Variants in SUMF1 observed in about 807,000 individuals in gnomAD.
SUMF1 encodes sulfatase modifying factor 1.
A neutral mutation model predicts 47.6 loss-of-function variants in SUMF1; 48 were observed. That is an observed-to-expected ratio of 1.01 (90% CI 0.80 to 1.28). The LOEUF is 1.28. Ranked by LOEUF, SUMF1 falls within the 50% of genes most tolerant of loss-of-function variation. SUMF1 has a pLI of 0.00. For synonymous variants in SUMF1, 230 were observed against 192.1 expected (o/e 1.20, Z -1.63); for missense variants, 571 against 485.4 (o/e 1.18, Z -1.66).
rs556470939 is a variant in SUMF1 at position 4,113,835 on chromosome 3, GT to G, written c.1015-45091del. ...AGGCAGATAGGAACAATTACTGAAA[GT>G]TAATCCACAGATCCGGATGCCTCCT... On this transcript the variant is annotated intron_variant and NMD_transcript_variant, in intron 8 of 12. Coordinates refer to the SUMF1 transcript ENST00000448413. Among the ~76,000 whole-genome samples, 7 of 152,178 alleles carry G rather than the reference GT, an allele frequency of 4.6e-5. No individual in the cohort carries two copies. In the East Asian group the frequency reaches 1.2e-3, roughly 25 times the overall value.
At chr3:4,430,440 T>C (rs1702197766) in intron 3 of SUMF1, among the ~76,000 whole-genome samples, 1 of 152,134 alleles carries the variant, frequency 6.6e-6, no homozygotes, top group Admixed American at 6.6e-5. Flanking sequence ...TCTCTGAGCC[T>C]CAGTTTCCTC....
chr3:4,293,023 T>A (rs1350584481), intron 8 of SUMF1, among the ~76,000 whole-genome samples: 1 of 152,122 alleles, frequency 6.6e-6, no homozygotes, highest in Non-Finnish European at 1.5e-5. Flanking sequence ...CAAAGATGTT[T>A]GAAAATACTT....
intron 8 of SUMF1, among the ~76,000 whole-genome samples, chr3:4,151,822 G>A (rs1694343124): frequency 1.3e-5 from 2 of 151,516 alleles, no homozygotes; most frequent in East Asian, 1.9e-4. Context: ...GGTTAGACAA[G>A]CTTGATATAG....
At chr3:4,260,420 T>C (rs1281664681) in intron 8 of SUMF1, among the ~76,000 whole-genome samples, 1 of 152,190 alleles carries the variant, frequency 6.6e-6, no homozygotes. Context: ...AATTTCTACA[T>C]TTTAAAATTT....
chr3:4,293,311 C>CA (rs780090717), intron 8 of SUMF1, among the ~76,000 whole-genome samples: 6 of 152,116 alleles, frequency 3.9e-5, no homozygotes, highest in African/African-American at 1.4e-4. Context: ...AAAGAAAGCT[C>CA]AATTTCCCAA....
chr3:4,150,263 T>A (rs1342344829), intron 8 of SUMF1, among the ~76,000 whole-genome samples: 5 of 147,452 alleles, frequency 3.4e-5, no homozygotes, highest in East Asian at 1.9e-4. Flanking sequence ...TAGCTAATTT[T>A]TTAAAAAAAT....
intron 8 of SUMF1, among the ~76,000 whole-genome samples, chr3:4,133,146 TG>T (rs1187511940): frequency 2.0e-5 from 3 of 152,172 alleles, no homozygotes; most frequent in Admixed American, 1.3e-4. Context: ...GTTAAAAACA[TG>T]TTTGTGCATG....
intron 8 of SUMF1, among the ~76,000 whole-genome samples, chr3:4,128,239 A>G (rs1476189390): frequency 1.3e-5 from 2 of 152,206 alleles, no homozygotes; most frequent in East Asian, 1.9e-4. Context: ...GACCTGCAAC[A>G]AAAGTTGCAC....
chr3:4,140,511 CT>C (rs1559504589), intron 8 of SUMF1, among the ~76,000 whole-genome samples: 1 of 151,968 alleles, frequency 6.6e-6, no homozygotes, highest in Non-Finnish European at 1.5e-5. Context: ...GCCCTTTGGA[CT>C]CATCTGTTCC....
intron 8 of SUMF1, among the ~76,000 whole-genome samples, chr3:4,322,091 A>G (rs1232602154): frequency 6.6e-6 from 1 of 152,166 alleles, no homozygotes; most frequent in Admixed American, 6.6e-5. Flanking sequence ...TTATTCCTCA[A>G]GGTCTTGGAA....
intron 9 of SUMF1, among the ~76,000 whole-genome samples, chr3:4,057,148 C>T (rs1559432835): frequency 6.6e-6 from 1 of 152,066 alleles, no homozygotes; most frequent in Non-Finnish European, 1.5e-5. Flanking sequence ...AAAGAATGTG[C>T]AGGATGACAG....
At position 4,327,607 on chromosome 3, in the gene SUMF1, G is replaced by A. The variant is rs115102111; in HGVS notation, c.1014+48723C>T. Reference sequence around the variant, plus strand: ...TAACATTAAGACAGCAGAATTATAGGAATCTTATACAATTTTGGAACACAT... The same window carrying A: ...TAACATTAAGACAGCAGAATTATAGAAATCTTATACAATTTTGGAACACAT... On this transcript the variant is annotated intron_variant and NMD_transcript_variant, in intron 8 of 12. Coordinates refer to the SUMF1 transcript ENST00000448413. 5.1e-3 allele frequency among the ~76,000 whole-genome samples: 775 copies of A among 151,658 alleles called. 9 individuals carry two copies. The highest frequency in any genetic ancestry group is 0.018 in the African/African-American group (739 of 41,392).
intron 8 of SUMF1, among the ~76,000 whole-genome samples, chr3:4,173,062 T>C (rs374313393): frequency 5.1e-4 from 78 of 152,344 alleles, no homozygotes; most frequent in African/African-American, 1.8e-3. Flanking sequence ...GTTTCAGTTT[T>C]CTACATAGGG....
chr3:4,142,995 A>G (rs545246570), intron 8 of SUMF1, among the ~76,000 whole-genome samples: 1 of 152,212 alleles, frequency 6.6e-6, no homozygotes, highest in African/African-American at 2.4e-5. Flanking sequence ...CACCTCCAAG[A>G]CAAAGAATAC....
intron 9 of SUMF1, among the ~76,000 whole-genome samples, chr3:4,065,914 C>T: frequency 6.6e-6 from 1 of 152,078 alleles, no homozygotes; most frequent in East Asian, 1.9e-4. Flanking sequence ...TGTGATATGA[C>T]AGGGGAAAAA....
At chr3:4,412,510 T>C (rs1298817369) in intron 6 of SUMF1, among the ~76,000 whole-genome samples, 1 of 152,074 alleles carries the variant, frequency 6.6e-6, no homozygotes. Context: ...GAGTAATAGC[T>C]GGGAGAGGTA....
At chr3:4,447,843 G>T (rs1057509388) in intron 3 of SUMF1, among the ~76,000 whole-genome samples, 1 of 152,122 alleles carries the variant, frequency 6.6e-6, no homozygotes, top group African/African-American at 2.4e-5. Context: ...TCACAGCCTA[G>T]CAATGACCCA....
Position 4,325,608 on chromosome 3 carries a change from TACAC to T in SUMF1, c.1014+50718_1014+50721del, listed in dbSNP as rs139250144. ...GTATATATCTGTGTGTATATATGTG[TACAC>T]ACACACACACACACACACATATATG... On this transcript the variant is annotated intron_variant and NMD_transcript_variant, in intron 8 of 12. Transcript: ENST00000448413. 2.1e-3 allele frequency among the ~76,000 whole-genome samples: 318 copies of T among 149,360 alleles called. 1 individual carries two copies. Among genetic ancestry groups the T allele is most frequent in the Non-Finnish European group, 3.2e-3 (218 of 67,142 alleles).
intron 8 of SUMF1, among the ~76,000 whole-genome samples, chr3:4,199,634 A>T (rs1331732578): frequency 1.3e-5 from 2 of 152,178 alleles, no homozygotes; most frequent in African/African-American, 4.8e-5. Flanking sequence ...TAAATAACAC[A>T]TAGCATTCTG....
Sources: allele counts gnomAD v4.1 joint callset (sites outside exome capture counted in the v4.1 genomes callset), GRCh38; gene constraint gnomAD v4.1.1; transcripts MANE v1.5; gene names NCBI Gene and HGNC (gene_info 2026-07-23, HGNC 2026-07-21).